GRB2: variants seen among roughly 807,000 people sequenced by gnomAD.
GRB2 encodes the protein growth factor receptor bound protein 2.
A neutral mutation model predicts 27.4 loss-of-function variants in GRB2; 2 were observed. The observed-to-expected ratio is 0.07, with a 90% CI of 0.03 to 0.23. The LOEUF is 0.23. GRB2 is among the 10% of genes least tolerant of loss of function. The probability of loss-of-function intolerance (pLI) is 1.00; values close to 1 mark genes in which losing one functional copy is unlikely to be tolerated. For missense variants in GRB2, 102 were observed against 282.4 expected, an observed-to-expected ratio of 0.36 and a Z score of 4.58; for synonymous variants, 94 against 99.6, an observed-to-expected ratio of 0.94 and a Z score of 0.33.
chr17:75,391,307 G>A (rs560773847), intron 2 of GRB2, among the ~76,000 whole-genome samples: 50 of 152,102 alleles, frequency 3.3e-4, no homozygotes, highest in Non-Finnish European at 4.1e-4. Context: ...AAGTGAATGT[G>A]AGTATTCTGA....
chr17:75,328,993 AG>A (rs2078521037), intron 3 of GRB2, among the ~76,000 whole-genome samples: 2 of 151,992 alleles, frequency 1.3e-5, no homozygotes, highest in Admixed American at 1.3e-4. Flanking sequence ...AACGGTATTG[AG>A]ACCTTCTCAA....
intron 2 of GRB2, among the ~76,000 whole-genome samples, chr17:75,387,058 G>A (rs1056776884): frequency 6.6e-6 from 1 of 151,846 alleles, no homozygotes; most frequent in Non-Finnish European, 1.5e-5. Flanking sequence ...CTAATCGGGA[G>A]GCTGAGGTAG....
chr17:75,355,336 C>A (rs949004204), intron 2 of GRB2, among the ~76,000 whole-genome samples: 2 of 152,108 alleles, frequency 1.3e-5, no homozygotes, highest in Admixed American at 6.6e-5. Flanking sequence ...TCTTTTGACT[C>A]TACTGCCTCA....
At chr17:75,386,237 G>A (rs574020765) in intron 2 of GRB2, among the ~76,000 whole-genome samples, 2 of 152,078 alleles carry the variant, frequency 1.3e-5, no homozygotes, top group South Asian at 2.1e-4. Context: ...TCATGCCTCA[G>A]CCTCCTGAGT....
chr17:75,338,079 G>A (rs543189852), intron 2 of GRB2, among the ~76,000 whole-genome samples: 107 of 151,568 alleles, frequency 7.1e-4, no homozygotes, highest in African/African-American at 2.2e-3. Flanking sequence ...ACAGGCACCC[G>A]CCACCACGCC....
intron 2 of GRB2, among the ~76,000 whole-genome samples, chr17:75,374,607 A>ACT (rs773189728): frequency 6.9e-6 from 1 of 145,434 alleles, no homozygotes; most frequent in South Asian, 2.1e-4. Flanking sequence ...GCCTGTAGTC[A>ACT]CACACACACA....
chr17:75,326,069 C>T lies in GRB2; in HGVS notation c.177-49G>A, dbSNP rs557389466. 2.2e-5 allele frequency: 36 copies of T among 1,610,690 alleles called. No homozygotes were observed. In the South Asian group the frequency reaches 2.5e-4, roughly 11 times the overall value. On this transcript the variant is annotated intron_variant, in intron 3 of 5. Coordinates refer to ENST00000316804, the MANE Select transcript of GRB2 (RefSeq NM_002086.5). ...CAACATCTGCTTCCCCACAAAGAAA[C>T]GGGATATCCAGCCTTCAAAATGTGA...
intron 2 of GRB2, among the ~76,000 whole-genome samples, chr17:75,341,650 G>A (rs375268579): frequency 2.0e-4 from 30 of 151,930 alleles, no homozygotes; most frequent in Non-Finnish European, 3.1e-4. Context: ...AACTTTCCAC[G>A]GTAAAAATCA....
At chr17:75,391,665 G>A (rs779474685) in intron 2 of GRB2, among the ~76,000 whole-genome samples, 12 of 152,040 alleles carry the variant, frequency 7.9e-5, no homozygotes, top group African/African-American at 1.5e-4. Flanking sequence ...AAAATTAGCC[G>A]GGCGTGGTGG....
At chr17:75,382,222 C>A (rs2078933575) in intron 2 of GRB2, among the ~76,000 whole-genome samples, 1 of 145,862 alleles carries the variant, frequency 6.9e-6, no homozygotes, top group Non-Finnish European at 1.5e-5. Flanking sequence ...ACTCCGTCTC[C>A]AAAAAAAAAA....
chr17:75,330,024 A>C (rs897529524), intron 3 of GRB2, among the ~76,000 whole-genome samples: 3 of 151,972 alleles, frequency 2.0e-5, no homozygotes, highest in African/African-American at 7.3e-5. Context: ...AATAGGCTGG[A>C]GTGCAGTGGC....
intron 2 of GRB2, among the ~76,000 whole-genome samples, chr17:75,377,892 G>A (rs910130261): frequency 2.0e-5 from 3 of 152,124 alleles, no homozygotes; most frequent in African/African-American, 7.2e-5. Context: ...GGGCAAGAGA[G>A]TAAGACTCTA....
At chr17:75,328,704 C>T (rs979971918) in intron 3 of GRB2, among the ~76,000 whole-genome samples, 2 of 151,766 alleles carry the variant, frequency 1.3e-5, no homozygotes, top group Non-Finnish European at 2.9e-5. Context: ...TTTGGGAGGC[C>T]GAGGCGGGCG....
At chr17:75,403,347 G>C (rs544230483) in intron 1 of GRB2, among the ~76,000 whole-genome samples, 2 of 151,892 alleles carry the variant, frequency 1.3e-5, no homozygotes, top group African/African-American at 4.8e-5. Flanking sequence ...AACTCTGATG[G>C]ACAACATGCA....
At chr17:75,394,726 G>A (rs1460014167) in intron 1 of GRB2, 1 of 152,198 alleles carries the variant, frequency 6.6e-6, no homozygotes, top group Admixed American at 6.5e-5. Context: ...GCCCGCAGAA[G>A]GTCAAAGAGA....
At chr17:75,347,944 T>C (rs938163919) in intron 2 of GRB2, among the ~76,000 whole-genome samples, 1 of 152,240 alleles carries the variant, frequency 6.6e-6, no homozygotes, top group Non-Finnish European at 1.5e-5. Context: ...CTCCTTTATA[T>C]AAAGTGACAT....
At chr17:75,366,062 G>A (rs1001456211) in intron 2 of GRB2, among the ~76,000 whole-genome samples, 2 of 152,064 alleles carry the variant, frequency 1.3e-5, no homozygotes, top group Non-Finnish European at 2.9e-5. Context: ...AGGCAGAAAG[G>A]AAACACCCTA....
At chr17:75,330,215 C>T (rs534779921) in intron 3 of GRB2, among the ~76,000 whole-genome samples, 1 of 151,980 alleles carries the variant, frequency 6.6e-6, no homozygotes, top group South Asian at 2.1e-4. Flanking sequence ...AACCCCATCT[C>T]TACTAAAAAT....
intron 2 of GRB2, among the ~76,000 whole-genome samples, chr17:75,333,316 T>C (rs1328653170): frequency 2.6e-5 from 4 of 152,208 alleles, no homozygotes; most frequent in Non-Finnish European, 5.9e-5. Context: ...CCTCAGGTGA[T>C]CTGCCCACCT....
Sources: allele counts gnomAD v4.1 joint callset (sites outside exome capture counted in the v4.1 genomes callset), GRCh38; gene constraint gnomAD v4.1.1; transcripts MANE v1.5; gene names NCBI Gene and HGNC (gene_info 2026-07-23, HGNC 2026-07-21).